Variants in CAMKMT observed in about 807,000 individuals in gnomAD.
The protein encoded by CAMKMT is calmodulin-lysine N-methyltransferase.
Under a neutral mutation model 48.0 loss-of-function variants are expected in CAMKMT, and 53 were observed. The ratio of observed to expected loss-of-function variants is 1.10; its 90% CI spans 0.89 to 1.39. The LOEUF is 1.39. Ranked by LOEUF, CAMKMT falls within the 40% of genes most tolerant of loss-of-function variation. CAMKMT has a pLI of 0.00. For missense variants in CAMKMT, 428 were observed against 402.7 expected (o/e 1.06, Z -0.54); for synonymous variants, 165 against 152.3 (o/e 1.08, Z -0.61).
At chr2:44,543,222 A>G (rs1667227047) in intron 3 of CAMKMT, among the ~76,000 whole-genome samples, 1 of 152,224 alleles carries the variant, frequency 6.6e-6, no homozygotes, top group African/African-American at 2.4e-5. Flanking sequence ...CTGAGAATCT[A>G]CAGAAGTGCC....
At chr2:44,706,194 T>G (rs1677549313) in intron 4 of CAMKMT, 93 bp from the exon 5 acceptor site, 1 of 1,280,824 alleles carries the variant, frequency 7.8e-7, no homozygotes, top group Admixed American at 1.7e-5. Flanking sequence ...CCGTTCTTAC[T>G]GCAGATGGCA....
At chr2:44,532,470 G>A (rs1666538348) in intron 3 of CAMKMT, among the ~76,000 whole-genome samples, 2 of 152,184 alleles carry the variant, frequency 1.3e-5, no homozygotes, top group South Asian at 4.1e-4. Flanking sequence ...TTAGACCTGT[G>A]TCACAGACAT....
intron 3 of CAMKMT, among the ~76,000 whole-genome samples, chr2:44,534,803 A>G (rs1304597676): frequency 6.7e-6 from 1 of 149,450 alleles, no homozygotes; most frequent in Non-Finnish European, 1.5e-5. Context: ...TAATCTAGCA[A>G]TGCACCTCAA....
chr2:44,569,651 T>C (rs1438706498), intron 3 of CAMKMT, among the ~76,000 whole-genome samples: 5 of 152,218 alleles, frequency 3.3e-5, no homozygotes, highest in Non-Finnish European at 5.9e-5. Context: ...GCATGATAGA[T>C]GGAAGTTAGA....
At chr2:44,767,073 T>G (rs1680873652) in intron 10 of CAMKMT, among the ~76,000 whole-genome samples, 2 of 152,206 alleles carry the variant, frequency 1.3e-5, no homozygotes, top group South Asian at 4.1e-4. Context: ...ATGGAGGCAC[T>G]ACAAGATTTA....
At chr2:44,567,456 G>A (rs1487501370) in intron 3 of CAMKMT, among the ~76,000 whole-genome samples, 2 of 152,158 alleles carry the variant, frequency 1.3e-5, no homozygotes, top group Non-Finnish European at 2.9e-5. Context: ...TGTTCATTCA[G>A]GAGACTACTG....
At chr2:44,533,814 T>C (rs1007867009) in intron 3 of CAMKMT, among the ~76,000 whole-genome samples, 2 of 151,926 alleles carry the variant, frequency 1.3e-5, no homozygotes, top group Non-Finnish European at 1.5e-5. Context: ...CAATAAGAGA[T>C]GAAGAAAGGA....
At chr2:44,421,255 CT>C (rs1464616654) in intron 3 of CAMKMT, among the ~76,000 whole-genome samples, 1 of 152,060 alleles carries the variant, frequency 6.6e-6, no homozygotes, top group Non-Finnish European at 1.5e-5. Context: ...TGAAGAAAGA[CT>C]TTTGTCTTTT....
chr2:44,544,838 T>C (rs1013432841), intron 3 of CAMKMT, among the ~76,000 whole-genome samples: 1 of 152,168 alleles, frequency 6.6e-6, no homozygotes, highest in African/African-American at 2.4e-5. Flanking sequence ...GACTAAAGAA[T>C]AGAAAAAATA....
At chr2:44,702,459 A>C (rs956669070) in intron 3 of CAMKMT, among the ~76,000 whole-genome samples, 18 of 152,184 alleles carry the variant, frequency 1.2e-4, no homozygotes, top group Admixed American at 8.5e-4. Context: ...CATTCTAAAC[A>C]TAGGCATGTA....
chr2:44,717,306 C>A (rs186109082), intron 7 of CAMKMT, among the ~76,000 whole-genome samples: 45 of 152,122 alleles, frequency 3.0e-4, no homozygotes, highest in African/African-American at 1.1e-3. Flanking sequence ...CCCCTGTAAG[C>A]ATTTTGTTCA....
At position 44,734,565 on chromosome 2, in the gene CAMKMT, C is replaced by T. The variant is rs186652981; in HGVS notation, c.624-9057C>T. 4.6e-3 allele frequency among the ~76,000 whole-genome samples: 695 copies of T among 152,160 alleles called. 6 individuals carry two copies. The highest frequency in any genetic ancestry group is 0.015 in the African/African-American group (629 of 41,512). On this transcript the variant is annotated intron_variant, in intron 7 of 10. Transcript: ENST00000378494. ...GAGTGGCTGGGACTACAGGCATGCA[C>T]CACCATGCCAGGCTAATTTTTGTAT...
chr2:44,707,931 C>T (rs1196049549), intron 6 of CAMKMT, among the ~76,000 whole-genome samples: 1 of 152,034 alleles, frequency 6.6e-6, no homozygotes, highest in Non-Finnish European at 1.5e-5. Context: ...TACCTATATC[C>T]CCCACTGGAA....
intron 3 of CAMKMT, among the ~76,000 whole-genome samples, chr2:44,595,542 A>G (rs1670600352): frequency 6.6e-6 from 1 of 152,230 alleles, no homozygotes; most frequent in Non-Finnish European, 1.5e-5. Context: ...GATAGGAAGA[A>G]TCAATATTGT....
intron 3 of CAMKMT, among the ~76,000 whole-genome samples, chr2:44,651,668 AC>A (rs1674073874): frequency 6.6e-6 from 1 of 152,242 alleles, no homozygotes; most frequent in Non-Finnish European, 1.5e-5. Context: ...AAAGTCAGCA[AC>A]AGTGAGATAG....
intron 3 of CAMKMT, among the ~76,000 whole-genome samples, chr2:44,512,648 C>A (rs1670626569): frequency 6.6e-6 from 1 of 152,128 alleles, no homozygotes; most frequent in Admixed American, 6.5e-5. Context: ...GCTAGTATTT[C>A]TTCTCTATTG....
At chr2:44,699,994 G>C (rs1027441674) in intron 3 of CAMKMT, among the ~76,000 whole-genome samples, 7 of 152,218 alleles carry the variant, frequency 4.6e-5, no homozygotes, top group African/African-American at 9.6e-5. Context: ...CTGTTGGTTA[G>C]TGTAGTCATC....
chr2:44,391,107 G>C (rs1472936491), intron 3 of CAMKMT, among the ~76,000 whole-genome samples: 1 of 152,154 alleles, frequency 6.6e-6, no homozygotes, highest in Admixed American at 6.5e-5. Context: ...TTTCAGAACT[G>C]TTAACTTTTG....
At chr2:44,752,046 T>A (rs1430444968) in intron 8 of CAMKMT, among the ~76,000 whole-genome samples, 1 of 151,882 alleles carries the variant, frequency 6.6e-6, no homozygotes, top group Non-Finnish European at 1.5e-5. Flanking sequence ...CCTCCAACAC[T>A]GGGGATCACA....
Sources: gnomAD v4.1 joint callset for allele counts (sites outside exome capture counted in the v4.1 genomes callset) on GRCh38, gnomAD v4.1.1 for gene constraint, MANE v1.5 for transcripts, NCBI Gene and HGNC (gene_info 2026-07-23, HGNC 2026-07-21) for gene names.